Variants in SMYD3 observed in about 807,000 individuals in gnomAD.
SMYD3 encodes the protein SET and MYND domain containing 3, also known as histone-lysine N-methyltransferase SMYD3.
In SMYD3, 36 loss-of-function variants were observed where a neutral mutation model predicts 57.7. That is an observed-to-expected ratio of 0.62 (90% confidence interval 0.48 to 0.82). The LOEUF (loss-of-function observed/expected upper bound fraction) is 0.82. SMYD3 is among the 40% of genes least tolerant of loss of function. The pLI, the probability that SMYD3 is intolerant of heterozygous loss-of-function variation, is 0.00. For synonymous variants in SMYD3, 211 were observed against 195.0 expected (o/e 1.08, Z -0.68); for missense variants, 515 against 538.8 (o/e 0.96, Z 0.44).
intron 5 of SMYD3, among the ~76,000 whole-genome samples, chr1:246,204,242 A>G (rs533112554): frequency 6.6e-6 from 1 of 152,282 alleles, no homozygotes; most frequent in African/African-American, 2.4e-5. Context: ...TAATCTCTTA[A>G]ATTTACTTTC....
chr1:245,793,124 A>T (rs1353850502), intron 10 of SMYD3, among the ~76,000 whole-genome samples: 1 of 146,084 alleles, frequency 6.8e-6, no homozygotes, highest in Non-Finnish European at 1.5e-5. Flanking sequence ...CCTGGCTAAC[A>T]CGGTGAAACC....
intron 5 of SMYD3, among the ~76,000 whole-genome samples, chr1:246,020,681 A>G (rs1468952884): frequency 6.6e-6 from 1 of 152,210 alleles, no homozygotes; most frequent in African/African-American, 2.4e-5. Context: ...ACATCATTCT[A>G]TGATAAGCTA....
chr1:245,941,448 A>C (rs1361812921), intron 5 of SMYD3, among the ~76,000 whole-genome samples: 1 of 152,230 alleles, frequency 6.6e-6, no homozygotes, highest in Non-Finnish European at 1.5e-5. Context: ...AGGGAAGCCC[A>C]TCAGACTAAC....
intron 5 of SMYD3, among the ~76,000 whole-genome samples, chr1:246,181,847 G>A (rs1449007511): frequency 1.3e-5 from 2 of 152,184 alleles, no homozygotes; most frequent in Non-Finnish European, 2.9e-5. Context: ...GCCAGGTAGA[G>A]AGATTTGAAA....
chr1:246,225,475 T>C (rs748923026), intron 5 of SMYD3, among the ~76,000 whole-genome samples: 1 of 151,380 alleles, frequency 6.6e-6, no homozygotes, highest in Non-Finnish European at 1.5e-5. Flanking sequence ...GAATGGAAGG[T>C]GAGGAACAGG....
intron 5 of SMYD3, among the ~76,000 whole-genome samples, chr1:246,257,658 A>G (rs970263862): frequency 2.6e-5 from 4 of 152,240 alleles, no homozygotes; most frequent in Non-Finnish European, 5.9e-5. Context: ...TGACCCTATC[A>G]TGAAATTGTT....
chr1:246,489,071 G>A (rs891517318), intron 1 of SMYD3, among the ~76,000 whole-genome samples: 1 of 152,160 alleles, frequency 6.6e-6, no homozygotes, highest in African/African-American at 2.4e-5. Context: ...TGCAGGCCGG[G>A]CGCGGTGGTT....
intron 5 of SMYD3, chr1:246,326,247 A>G: frequency 2.1e-6 from 1 of 473,094 alleles, no homozygotes; most frequent in Non-Finnish European, 3.8e-6. Flanking sequence ...GTAAAGTTTT[A>G]CTTGTTATTA....
chr1:245,798,488 A>AC (rs2047694538), intron 10 of SMYD3, among the ~76,000 whole-genome samples: 1 of 83,398 alleles, frequency 1.2e-5, no homozygotes, highest in African/African-American at 4.4e-5. Context: ...AACACACCAC[A>AC]CACACACACA....
At chr1:246,009,850 C>T (rs566417990) in intron 5 of SMYD3, among the ~76,000 whole-genome samples, 10 of 124,286 alleles carry the variant, frequency 8.0e-5, no homozygotes, top group Non-Finnish European at 1.5e-4. Context: ...TGCTCTGTTG[C>T]CCAGGCTGAA....
chr1:246,174,599 A>G (rs1053657287), intron 5 of SMYD3, among the ~76,000 whole-genome samples: 3 of 152,168 alleles, frequency 2.0e-5, no homozygotes, highest in Admixed American at 2.0e-4. Flanking sequence ...GGCACATGCC[A>G]CCACGCCTGA....
chr1:246,236,978 G>A (rs755505025), intron 5 of SMYD3, among the ~76,000 whole-genome samples: 7 of 152,122 alleles, frequency 4.6e-5, no homozygotes, highest in South Asian at 2.1e-4. Context: ...CTGTGCTGGC[G>A]TTTACTGCAC....
chr1:246,392,689 C>T (rs1259444163), intron 1 of SMYD3, among the ~76,000 whole-genome samples: 4 of 151,792 alleles, frequency 2.6e-5, no homozygotes, highest in African/African-American at 9.7e-5. Flanking sequence ...CTCAAGTCAT[C>T]CTCCCACCTC....
At chr1:246,311,829 T>C (rs2148633837) in intron 5 of SMYD3, among the ~76,000 whole-genome samples, 1 of 152,334 alleles carries the variant, frequency 6.6e-6, no homozygotes, top group African/African-American at 2.4e-5. Context: ...CAGACATCTA[T>C]ATCTAGAGAA....
intron 3 of SMYD3, among the ~76,000 whole-genome samples, chr1:246,331,559 T>G (rs1434949003): frequency 6.7e-6 from 1 of 149,632 alleles, no homozygotes; most frequent in East Asian, 2.1e-4. Flanking sequence ...ATTCCATGAT[T>G]AATAGGAAAA....
At chr1:245,882,963 G>A (rs2052868682) in intron 8 of SMYD3, among the ~76,000 whole-genome samples, 1 of 152,186 alleles carries the variant, frequency 6.6e-6, no homozygotes, top group African/African-American at 2.4e-5. Flanking sequence ...TTTAGAAAGG[G>A]TAGGCTGTGC....
At chr1:246,087,841 A>G (rs958284213) in intron 5 of SMYD3, among the ~76,000 whole-genome samples, 1 of 152,202 alleles carries the variant, frequency 6.6e-6, no homozygotes, top group African/African-American at 2.4e-5. Context: ...ACCCGTCCTC[A>G]GTACTCCAAC....
intron 7 of SMYD3, among the ~76,000 whole-genome samples, chr1:245,918,650 C>G (rs942211556): frequency 5.3e-5 from 8 of 152,200 alleles, no homozygotes; most frequent in Non-Finnish European, 8.8e-5. Context: ...TCCAAGCTCA[C>G]TTTTTGAAAC....
At chr1:246,378,732 T>TAA (rs1553339993) in intron 1 of SMYD3, among the ~76,000 whole-genome samples, 1 of 103,320 alleles carries the variant, frequency 9.7e-6, no homozygotes, top group African/African-American at 3.9e-5. Context: ...ATATTATATA[T>TAA]TATATATAAT....
Sources: allele counts gnomAD v4.1 joint callset (sites outside exome capture counted in the v4.1 genomes callset), GRCh38; gene constraint gnomAD v4.1.1; transcripts MANE v1.5; gene names NCBI Gene and HGNC (gene_info 2026-07-23, HGNC 2026-07-21).